The following CNTNAP2 variants were observed in gnomAD, a reference collection of about 807,000 sequenced individuals.
The protein encoded by CNTNAP2 is contactin-associated protein-like 2.
In CNTNAP2, 98 loss-of-function variants were observed where a neutral mutation model predicts 155.2. The observed-to-expected ratio is 0.63, with a 90% confidence interval of 0.54 to 0.75. The LOEUF (loss-of-function observed/expected upper bound fraction) is 0.75, where lower values mean the gene tolerates loss of function less well. Ranked by LOEUF, CNTNAP2 falls within the 30% of genes least tolerant of loss-of-function variation. The pLI is 0.00. For synonymous variants in CNTNAP2, 651 were observed against 631.2 expected (o/e 1.03, Z -0.47); for missense variants, 1,727 against 1,688.1 (o/e 1.02, Z -0.40).
At position 146,347,959 on chromosome 7, in the gene CNTNAP2, A is replaced by T. The variant is rs139557191; in HGVS notation, c.97+230986A>T. 3.2e-3 allele frequency among the ~76,000 whole-genome samples: 489 copies of T among 152,346 alleles called. 3 individuals are homozygous for T. Among genetic ancestry groups the T allele is most frequent in the African/African-American group, 0.011 (473 of 41,576 alleles). On this transcript the variant is annotated intron_variant, in intron 1 of 23. Coordinates refer to ENST00000361727, the MANE Select transcript of CNTNAP2 (RefSeq NM_014141.6). ...ATTCTAAGAAGCCTGCATCTGAAAC[A>T]GTTATCATCAGTTGGAGTTTTATTA...
intron 1 of CNTNAP2, among the ~76,000 whole-genome samples, chr7:146,203,747 G>C (rs1798903154): frequency 6.6e-6 from 1 of 152,018 alleles, no homozygotes. Context: ...AAGCTACCTA[G>C]GGACTGCCAG....
At position 147,251,657 on chromosome 7, in the gene CNTNAP2, T is replaced by A. The variant is rs536173732; in HGVS notation, c.1349-48484T>A. 3.3e-5 allele frequency among the ~76,000 whole-genome samples: 5 copies of A among 152,246 alleles called. No individual in the cohort carries two copies. The East Asian group carries it at 9.7e-4, about 29-fold the overall frequency. On this transcript the variant is annotated intron_variant, in intron 8 of 23. Transcript: ENST00000361727. ...AAGACACAAATATTTGTGGACTTGG[T>A]CATGTCTGACTGTGCACTGCTCATG...
At chr7:147,119,617 A>G (rs1801060988) in intron 5 of CNTNAP2, among the ~76,000 whole-genome samples, 1 of 152,078 alleles carries the variant, frequency 6.6e-6, no homozygotes. Context: ...ACCATCACAC[A>G]TCAACATTTG....
At chr7:146,753,501 T>C (rs1801941300) in intron 1 of CNTNAP2, among the ~76,000 whole-genome samples, 1 of 152,052 alleles carries the variant, frequency 6.6e-6, no homozygotes, top group Non-Finnish European at 1.5e-5. Flanking sequence ...TGTGAGTCAA[T>C]AAGAAAAGAA....
intron 15 of CNTNAP2, among the ~76,000 whole-genome samples, chr7:148,054,425 C>A (rs1563182484): frequency 7.0e-6 from 1 of 143,880 alleles, no homozygotes; most frequent in Non-Finnish European, 1.5e-5. Flanking sequence ...AAGAATCTAT[C>A]ACTATGACTT....
Position 148,346,773 on chromosome 7 carries a change from TAAAAAAAAA to T in CNTNAP2, c.3476-36859_3476-36851del, listed in dbSNP as rs71188973. Among the ~76,000 whole-genome samples, 132 of 147,010 alleles carry T rather than the reference TAAAAAAAAA, an allele frequency of 9.0e-4. 1 individual carries two copies. The highest frequency in any genetic ancestry group is 1.0e-3 in the Non-Finnish European group (67 of 67,102). On this transcript the variant is annotated intron_variant, in intron 21 of 23. Transcript: ENST00000361727. ...GGCAACAAGAGTGAAACTCCATCTT[TAAAAAAAAA>T]AAAAAAAAAAAAAAAATTAATGGTT...
chr7:148,295,904 G>C (rs1024645671), intron 21 of CNTNAP2, among the ~76,000 whole-genome samples: 1 of 152,160 alleles, frequency 6.6e-6, no homozygotes, highest in Admixed American at 6.5e-5. Flanking sequence ...GCTGTAAAAA[G>C]CAAGGGTCTT....
chr7:147,858,299 C>T (rs1420091112), intron 13 of CNTNAP2, among the ~76,000 whole-genome samples: 1 of 152,090 alleles, frequency 6.6e-6, no homozygotes, highest in East Asian at 1.9e-4. Flanking sequence ...ACTGGCCAGG[C>T]TGGTCTCCAA....
At chr7:147,998,676 T>A (rs1371687538) in intron 15 of CNTNAP2, among the ~76,000 whole-genome samples, 1 of 151,988 alleles carries the variant, frequency 6.6e-6, no homozygotes, top group African/African-American at 2.4e-5. Flanking sequence ...TAGCCAAACG[T>A]AAAGAAGCAA....
intron 15 of CNTNAP2, among the ~76,000 whole-genome samples, chr7:148,069,621 A>G (rs931866281): frequency 4.6e-5 from 7 of 151,960 alleles, no homozygotes; most frequent in Non-Finnish European, 1.0e-4. Flanking sequence ...TTAGCCGGGC[A>G]TGGTGGCGGG....
chr7:147,185,032 A>C (rs1049674182), intron 8 of CNTNAP2, among the ~76,000 whole-genome samples: 1 of 152,192 alleles, frequency 6.6e-6, no homozygotes, highest in African/African-American at 2.4e-5. Context: ...TTAAATGGGC[A>C]AAAATACCCT....
intron 3 of CNTNAP2, among the ~76,000 whole-genome samples, chr7:146,910,677 C>T (rs1358938207): frequency 7.3e-5 from 11 of 150,396 alleles, no homozygotes; most frequent in East Asian, 5.8e-4. Context: ...AAGATTTAAA[C>T]GTTAGACCTA....
At chr7:146,873,176 T>C (rs1795349472) in intron 3 of CNTNAP2, among the ~76,000 whole-genome samples, 1 of 152,236 alleles carries the variant, frequency 6.6e-6, no homozygotes, top group Non-Finnish European at 1.5e-5. Context: ...CTATTAATGC[T>C]ATACAAGATG....
intron 10 of CNTNAP2, among the ~76,000 whole-genome samples, chr7:147,455,883 T>C (rs1187427870): frequency 6.6e-6 from 1 of 152,096 alleles, no homozygotes; most frequent in Non-Finnish European, 1.5e-5. Flanking sequence ...AGTCTAATAG[T>C]ATAATTCACA....
chr7:146,277,782 A>G (rs1042858764), intron 1 of CNTNAP2, among the ~76,000 whole-genome samples: 1 of 152,182 alleles, frequency 6.6e-6, no homozygotes, highest in African/African-American at 2.4e-5. Flanking sequence ...ATGGACTCCA[A>G]ACAGGAACAC....
In CNTNAP2 at chr7:147,549,872, A is replaced by G. The variant is rs546924209; in HGVS notation, c.1778-12266A>G. 2.6e-5 allele frequency among the ~76,000 whole-genome samples: 4 copies of G among 152,356 alleles called. No individual in the cohort carries two copies. The South Asian group carries it at 8.3e-4, about 32-fold the overall frequency. On this transcript the variant is annotated intron_variant, in intron 11 of 23. Transcript: ENST00000361727. ...AATCAGAGCTATTTATTTAAATAAC[A>G]CACGCATTATATTTGAATTATTTGG...
chr7:147,063,934 G>A (rs928278818), intron 4 of CNTNAP2, among the ~76,000 whole-genome samples: 9 of 152,068 alleles, frequency 5.9e-5, no homozygotes, highest in Non-Finnish European at 4.4e-5. Context: ...AGGAGAGTAA[G>A]GATATGTAAG....
chr7:147,291,502 CTTTT>C (rs1010057112), intron 8 of CNTNAP2, among the ~76,000 whole-genome samples: 5 of 151,830 alleles, frequency 3.3e-5, no homozygotes, highest in African/African-American at 1.2e-4. Context: ...ATTCCTTTTT[CTTTT>C]TTATTATTTA....
At chr7:146,943,664 A>G (rs1584738525) in intron 3 of CNTNAP2, among the ~76,000 whole-genome samples, 1 of 152,194 alleles carries the variant, frequency 6.6e-6, no homozygotes, top group Non-Finnish European at 1.5e-5. Context: ...CATGCCATTT[A>G]GCTTTTACTG....
Sources: allele counts gnomAD v4.1 joint callset (sites outside exome capture counted in the v4.1 genomes callset), GRCh38; gene constraint gnomAD v4.1.1; transcripts MANE v1.5; gene names NCBI Gene and HGNC (gene_info 2026-07-23, HGNC 2026-07-21).